TTLL6: variants seen among roughly 807,000 people sequenced by gnomAD.
The protein encoded by TTLL6 is tubulin tyrosine ligase like 6.
In TTLL6, 75 loss-of-function variants were observed where a neutral mutation model predicts 96.4. The ratio of observed to expected loss-of-function variants is 0.78; its 90% CI spans 0.65 to 0.94. The LOEUF is 0.94. Ranked by LOEUF, TTLL6 falls within the 40% of genes least tolerant of loss-of-function variation. TTLL6 has a pLI of 0.00. For synonymous variants in TTLL6, 411 were observed against 419.4 expected, an observed-to-expected ratio of 0.98 and a Z score of 0.24; for missense variants, 1,030 against 1,093.0, an observed-to-expected ratio of 0.94 and a Z score of 0.81.
chr17:48,817,005 C>T lies in TTLL6; in HGVS notation c.68G>A (p.Ser23Asn), dbSNP rs771665748. ...TACTCCCCCGTCTCGCCCCGCTGGGCTGCTAGTCCAGCTTGCAACCACACC... is the reference window on the plus strand; with the variant it reads ...TACTCCCCCGTCTCGCCCCGCTGGGTTGCTAGTCCAGCTTGCAACCACACC... ...PAGVVASWTS[S>N]PAGRDGGVGI... The change falls in exon 1 of 16, where the codon AGC becomes AAC. Residue 23 changes from serine (S) to asparagine (N), a missense_variant. Transcript: ENST00000393382. 1.3e-6 allele frequency: 2 copies of T among 1,542,508 alleles called. No individual in the cohort carries two copies. The highest frequency in any genetic ancestry group is 1.7e-6 in the Non-Finnish European group (2 of 1,145,190).
At chr17:48,790,409 G>A (rs1190141254) in intron 9 of TTLL6, among the ~76,000 whole-genome samples, 2 of 152,314 alleles carry the variant, frequency 1.3e-5, no homozygotes, top group South Asian at 2.1e-4. Flanking sequence ...TATGCACTGG[G>A]CATCCAGAGA....
chr17:48,786,385 C>T, intron 11 of TTLL6, 50 bp from the exon 12 acceptor site: 1 of 1,608,824 alleles, frequency 6.2e-7, no homozygotes, highest in Non-Finnish European at 8.5e-7. Context: ...ATGCGCTGCG[C>T]AGGCAGGCAT....
At chr17:48,771,080 C>T (rs2038734578) in intron 13 of TTLL6, among the ~76,000 whole-genome samples, 2 of 152,178 alleles carry the variant, frequency 1.3e-5, no homozygotes, top group Admixed American at 1.3e-4. Context: ...CACAGACTTA[C>T]TGGCTAGAGG....
At chr17:48,782,465 A>G (rs746560036) in intron 13 of TTLL6, among the ~76,000 whole-genome samples, 2 of 151,954 alleles carry the variant, frequency 1.3e-5, no homozygotes, top group South Asian at 4.2e-4. Context: ...CTGGTTTGCA[A>G]ATATTTTCTC....
intron 1 of TTLL6, among the ~76,000 whole-genome samples, chr17:48,808,734 A>G (rs1045376236): frequency 6.6e-6 from 1 of 151,856 alleles, no homozygotes; most frequent in African/African-American, 2.4e-5. Flanking sequence ...ACGTCAGGCT[A>G]ATTTTTTTGT....
chr17:48,814,147 C>T (rs749674331), intron 1 of TTLL6, among the ~76,000 whole-genome samples: 2 of 151,818 alleles, frequency 1.3e-5, no homozygotes, highest in African/African-American at 2.4e-5. Context: ...GGTGAAACCC[C>T]GTCTCTACTA....
In TTLL6 at chr17:48,786,266, C is replaced by A; in HGVS notation, c.1659G>T (p.Met553Ile). The A allele has an allele frequency of 6.2e-7, 1 of 1,614,270 alleles. No homozygotes were observed. The highest frequency in any genetic ancestry group is 8.5e-7 in the Non-Finnish European group (1 of 1,180,056). Residue 553 changes from methionine to isoleucine, a missense_variant, in exon 12 of 16, where the codon ATG (methionine) becomes ATT (isoleucine). Transcript: ENST00000393382. Reference sequence around the variant, plus strand: ...CTTGCTCGCCTGCCGATTCCCCCTGCATCTCTACCTTCTTCTTCATTTGGA... The same window carrying A: ...CTTGCTCGCCTGCCGATTCCCCCTGAATCTCTACCTTCTTCTTCATTTGGA... ...KPFQMKKKVE[M>I]QGESAGEQVR... is the part of the protein sequence containing the mutation.
intron 13 of TTLL6, among the ~76,000 whole-genome samples, chr17:48,775,636 G>A (rs146983556): frequency 0.011 from 1,702 of 151,838 alleles, 31 homozygotes; most frequent in African/African-American, 0.038. Flanking sequence ...CTGCCTCCTG[G>A]GTTCAAGCAA....
intron 3 of TTLL6, among the ~76,000 whole-genome samples, chr17:48,803,219 G>A (rs902074660): frequency 6.6e-6 from 1 of 152,066 alleles, no homozygotes. Flanking sequence ...CAAGAGCCGG[G>A]CACAGTGGCT....
At chr17:48,807,094 T>G (rs1429825567) in intron 1 of TTLL6, among the ~76,000 whole-genome samples, 1 of 151,722 alleles carries the variant, frequency 6.6e-6, no homozygotes, top group Non-Finnish European at 1.5e-5. Flanking sequence ...TGTTGTTGTT[T>G]TTTGTTTTTC....
chr17:48,781,202 A>G (rs1279297398), intron 13 of TTLL6, among the ~76,000 whole-genome samples: 1 of 152,010 alleles, frequency 6.6e-6, no homozygotes, highest in Non-Finnish European at 1.5e-5. Flanking sequence ...ATATGCCACT[A>G]TGCCTGGCTA....
At position 48,784,941 on chromosome 17, in the gene TTLL6, G is replaced by A. The variant is rs776491227; in HGVS notation, c.2022C>T (p.Asn674=). Residue 674 remains asparagine, a synonymous_variant, in exon 13 of 16, where the codon AAC becomes AAT. Transcript: ENST00000393382. Reference sequence around the variant, plus strand: ...TACTTACCACAGTGCCAGTGAATACGTTCACTGCAGAGGCAGACTTGGCCT... The same window carrying A: ...TACTTACCACAGTGCCAGTGAATACATTCACTGCAGAGGCAGACTTGGCCT... ...IKEAKSASAV[N]VFTGTVHLTS... 10 of 1,613,388 alleles carry A rather than the reference G, an allele frequency of 6.2e-6. No homozygotes were observed. The highest frequency in any genetic ancestry group is 1.7e-4 in the Middle Eastern group (1 of 6,056).
chr17:48,785,977 T>A (rs2039082757), intron 12 of TTLL6, among the ~76,000 whole-genome samples, 187 bp downstream of exon 12: 1 of 152,036 alleles, frequency 6.6e-6, no homozygotes, highest in Admixed American at 6.5e-5. Context: ...GATTGAGGGA[T>A]CCTCTAAAAG....
chr17:48,773,616 G>A (rs536839324), intron 13 of TTLL6, among the ~76,000 whole-genome samples: 20 of 152,196 alleles, frequency 1.3e-4, no homozygotes, highest in South Asian at 2.1e-4. Flanking sequence ...AGCTACTCAG[G>A]AAGCTGAGGT....
rs2038882971 is a variant in TTLL6 at position 48,776,899 on chromosome 17, C to T, written c.2041-6802G>A. ...GTGGAAATGCAAAGGACCTAGAAGA[C>T]CCAAAACAGTCTTGAAAAAGAACAG... On this transcript the variant is annotated intron_variant, in intron 13 of 15. Transcript: ENST00000393382. 2.0e-5 allele frequency among the ~76,000 whole-genome samples: 3 copies of T among 151,932 alleles called. No individual in the cohort carries two copies. In the South Asian group the frequency reaches 6.2e-4, roughly 32 times the overall value.
rs887850491 is a variant in TTLL6 at position 48,789,848 on chromosome 17, C to T, written c.1400+83G>A. ...CTGGGATTACAGGTGTGAGCCACTG[C>T]ACCCGGCCCAGGACAGATCATTCTT... On this transcript the variant is annotated intron_variant, in intron 10 of 15. Coordinates refer to ENST00000393382, the MANE Select transcript of TTLL6 (RefSeq NM_001130918.3). The T allele has an allele frequency of 4.8e-6, 7 of 1,453,940 alleles. No homozygotes were observed. In the African/African-American group the frequency reaches 8.4e-5, roughly 18 times the overall value. 90.1% of individuals were successfully genotyped at this position (1,453,940 alleles called of 1,614,324 possible).
At chr17:48,772,574 A>G (rs926444310) in intron 13 of TTLL6, among the ~76,000 whole-genome samples, 3 of 151,900 alleles carry the variant, frequency 2.0e-5, no homozygotes, top group Non-Finnish European at 4.4e-5. Context: ...TACCAAAAAT[A>G]CAAAAAATTA....
At chr17:48,792,448 G>A (rs118068144) in intron 8 of TTLL6, among the ~76,000 whole-genome samples, 5 of 152,266 alleles carry the variant, frequency 3.3e-5, no homozygotes, top group Non-Finnish European at 5.9e-5. Context: ...AGGAGGAGGT[G>A]CAGGGGAGTG....
chr17:48,782,196 C>T (rs1597972752), intron 13 of TTLL6, among the ~76,000 whole-genome samples: 1 of 151,250 alleles, frequency 6.6e-6, no homozygotes, highest in Non-Finnish European at 1.5e-5. Flanking sequence ...ACCTCTGCCT[C>T]CCAGGTTCAA....
Sources: allele counts gnomAD v4.1 joint callset (sites outside exome capture counted in the v4.1 genomes callset), GRCh38; gene constraint gnomAD v4.1.1; transcripts MANE v1.5; gene names NCBI Gene and HGNC (gene_info 2026-07-23, HGNC 2026-07-21).